Variants in ABI2 observed in about 807,000 individuals in gnomAD.
ABI2 encodes the protein abelson interactor 2.
ABI2 carries 25 observed loss-of-function variants against 59.2 expected under a neutral mutation model. That is an observed-to-expected ratio of 0.42 (90% CI 0.31 to 0.59). The LOEUF (loss-of-function observed/expected upper bound fraction) is 0.59. Ranked by LOEUF, ABI2 falls within the 20% of genes least tolerant of loss-of-function variation. ABI2 has a pLI of 0.14. For missense variants in ABI2, 545 were observed against 681.8 expected (o/e 0.80, Z 2.23); for synonymous variants, 213 against 235.5 (o/e 0.90, Z 0.87).
intron 9 of ABI2, among the ~76,000 whole-genome samples, chr2:203,406,863 G>A (rs1395661380): frequency 6.6e-6 from 1 of 151,970 alleles, no homozygotes; most frequent in Admixed American, 6.6e-5. Flanking sequence ...AGCTTTCACC[G>A]GGTTGGCCAG....
At chr2:203,418,758 A>G (rs552632567) in intron 11 of ABI2, among the ~76,000 whole-genome samples, 2 of 152,378 alleles carry the variant, frequency 1.3e-5, no homozygotes, top group Admixed American at 6.5e-5. Flanking sequence ...ACATAAAGGC[A>G]TGAATACTAT....
rs1430506210 is a variant in ABI2, at chr2:203,365,789, C to T, written c.118-1088C>T. Among the ~76,000 whole-genome samples the T allele has an allele frequency of 4.0e-5, 6 of 151,896 alleles. No individual in the cohort carries two copies. In the South Asian group the frequency reaches 1.2e-3, roughly 32 times the overall value. On this transcript the variant is annotated intron_variant, in intron 1 of 11. Transcript: ENST00000261018. ...GGACTACAGGCGCCCGCCACCATGC[C>T]TGGCTAATTTTTTGTATTTTTAGTA...
chr2:203,378,206 G>T (rs1004257085), intron 2 of ABI2, among the ~76,000 whole-genome samples: 3 of 151,476 alleles, frequency 2.0e-5, no homozygotes, highest in Non-Finnish European at 4.4e-5. Context: ...TCTGCCTCCT[G>T]GGTTCACGCC....
At chr2:203,378,453 A>G (rs112446218) in intron 2 of ABI2, among the ~76,000 whole-genome samples, 20 of 152,162 alleles carry the variant, frequency 1.3e-4, no homozygotes, top group African/African-American at 4.6e-4. Flanking sequence ...TAAGATTACT[A>G]CCATGGTTAG....
intron 1 of ABI2, among the ~76,000 whole-genome samples, chr2:203,343,963 G>A (rs183697678): frequency 1.6e-4 from 25 of 151,704 alleles, no homozygotes; most frequent in African/African-American, 4.6e-4. Context: ...GAGAGACCCC[G>A]TCTCTACAAA....
chr2:203,416,959 A>T lies in ABI2; in HGVS notation c.1331A>T (p.Glu444Val). 1 of 1,614,040 alleles carries T rather than the reference A, an allele frequency of 6.2e-7. No homozygotes were observed. The highest frequency in any genetic ancestry group is 8.5e-7 in the Non-Finnish European group (1 of 1,179,988). Reference protein sequence around the residue: ...PPPVEEPVFDESPPPPPPPED... With the variant: ...PPPVEEPVFDVSPPPPPPPED... Reference sequence around the variant, plus strand: ...CCTGTGGAAGAACCAGTCTTTGATGAGTCTCCCCCACCTCCTCCTCCTCCA... The same window carrying T: ...CCTGTGGAAGAACCAGTCTTTGATGTGTCTCCCCCACCTCCTCCTCCTCCA... Residue 444 changes from glutamate (E) to valine (V), a missense_variant, in exon 11 of 12, where the codon GAG (glutamate) becomes GTG (valine). Coordinates refer to ENST00000261018, the MANE Select transcript of ABI2 (RefSeq NM_001375670.1).
chr2:203,378,933 AT>A (rs1372795431), intron 2 of ABI2, among the ~76,000 whole-genome samples: 1 of 152,096 alleles, frequency 6.6e-6, no homozygotes, highest in Non-Finnish European at 1.5e-5. Context: ...AAGAAACAGT[AT>A]TTTACCTTAC....
intron 2 of ABI2, chr2:203,376,203 G>A (rs190168378): frequency 1.7e-6 from 2 of 1,162,554 alleles, no homozygotes; most frequent in African/African-American, 1.6e-5. Flanking sequence ...TTGCCCCCAA[G>A]GGGACATTTG....
intron 5 of ABI2, among the ~76,000 whole-genome samples, chr2:203,392,811 T>G (rs192706302): frequency 5.3e-5 from 8 of 152,326 alleles, no homozygotes; most frequent in Admixed American, 1.3e-4. Flanking sequence ...TTTGAAGATT[T>G]GCTCATATAC....
intron 1 of ABI2, among the ~76,000 whole-genome samples, chr2:203,340,591 C>A (rs190674666): frequency 2.0e-5 from 3 of 152,086 alleles, no homozygotes; most frequent in Non-Finnish European, 4.4e-5. Flanking sequence ...CTCCTGGGCT[C>A]TACCCATCCA....
chr2:203,423,464 C>T (rs999810280), intron 11 of ABI2, among the ~76,000 whole-genome samples: 1 of 152,108 alleles, frequency 6.6e-6, no homozygotes, highest in African/African-American at 2.4e-5. Context: ...CTCGCTCTGT[C>T]GCTCAGGCTA....
intron 2 of ABI2, among the ~76,000 whole-genome samples, chr2:203,378,204 C>G (rs1048373068): frequency 3.3e-5 from 5 of 151,934 alleles, no homozygotes; most frequent in African/African-American, 1.2e-4. Flanking sequence ...GCTCTGCCTC[C>G]TGGGTTCACG....
intron 11 of ABI2, among the ~76,000 whole-genome samples, chr2:203,419,255 G>A (rs970357967): frequency 1.3e-5 from 2 of 151,108 alleles, no homozygotes; most frequent in Non-Finnish European, 2.9e-5. Context: ...GACTACCGGC[G>A]CCCACCACCG....
At chr2:203,403,872 C>T (rs1332925265) in intron 9 of ABI2, among the ~76,000 whole-genome samples, 3 of 151,336 alleles carry the variant, frequency 2.0e-5, no homozygotes, top group South Asian at 4.2e-4. Flanking sequence ...CTGCCTCAGC[C>T]TCCTGAGTAG....
chr2:203,361,538 T>C (rs531758435), intron 1 of ABI2, among the ~76,000 whole-genome samples: 1 of 152,234 alleles, frequency 6.6e-6, no homozygotes, highest in African/African-American at 2.4e-5. Context: ...GACAGTTTGC[T>C]GCACTGAATT....
intron 10 of ABI2, 111 bp from the exon 11 acceptor site, chr2:203,416,797 T>C (rs2097911678): frequency 8.8e-7 from 1 of 1,139,942 alleles, no homozygotes; most frequent in Non-Finnish European, 1.2e-6. Flanking sequence ...TGAAGGAATA[T>C]TACATTTATT....
At chr2:203,416,326 G>A (rs1042436630) in intron 10 of ABI2, among the ~76,000 whole-genome samples, 5 of 151,428 alleles carry the variant, frequency 3.3e-5, no homozygotes, top group Admixed American at 6.6e-5. Flanking sequence ...TTTGAGATGC[G>A]GTCTTGCCCT....
In ABI2 at chr2:203,328,652, GGCCGCGTCGGGGACCCCCCC is replaced by G; in HGVS notation, c.117+26_117+45del. 3 of 1,503,638 alleles carry G rather than the reference GGCCGCGTCGGGGACCCCCCC, an allele frequency of 2.0e-6. No homozygotes were observed. The East Asian group carries it at 8.1e-5, about 41-fold the overall frequency. The allele number at this position is 1,503,638 out of a possible 1,614,324, so 93.1% of individuals were successfully genotyped here. A position where few individuals can be genotyped will look rare whatever the true frequency, so the allele number is the denominator to read the frequency against. On this transcript the variant is annotated intron_variant, in intron 1 of 11. Transcript: ENST00000261018. Reference sequence around the variant, plus strand: ...TACAGGTGCGAAGCATCCCCAGCTGGGCCGCGTCGGGGACCCCCCCGCCGGGGGCCGCGCGCCTCGGGGCG... The same window carrying G: ...TACAGGTGCGAAGCATCCCCAGCTGGGCCGGGGGCCGCGCGCCTCGGGGCG...
chr2:203,341,302 C>G (rs1223863643), intron 1 of ABI2, among the ~76,000 whole-genome samples: 1 of 152,168 alleles, frequency 6.6e-6, no homozygotes, highest in African/African-American at 2.4e-5. Flanking sequence ...TTGTCTCTTA[C>G]TCATTTCCAG....
Sources: gnomAD v4.1 joint callset for allele counts (sites outside exome capture counted in the v4.1 genomes callset) on GRCh38, gnomAD v4.1.1 for gene constraint, MANE v1.5 for transcripts, NCBI Gene and HGNC (gene_info 2026-07-23, HGNC 2026-07-21) for gene names.